PSD3: variants seen among roughly 807,000 people sequenced by gnomAD.
PSD3 encodes the protein pleckstrin and Sec7 domain containing 3.
A neutral mutation model predicts 105.5 loss-of-function variants in PSD3; 49 were observed. That is an observed-to-expected ratio of 0.46 (90% CI 0.37 to 0.59). The LOEUF is 0.59. PSD3 is among the 20% of genes least tolerant of loss of function. The probability of loss-of-function intolerance (pLI) is 0.00; values close to 1 mark genes in which losing one functional copy is unlikely to be tolerated. For synonymous variants in PSD3, 557 were observed against 457.8 expected (o/e 1.22, Z -2.77); for missense variants, 1,561 against 1,263.8 (o/e 1.24, Z -3.57).
chr8:18,582,319 C>T lies in PSD3; in HGVS notation c.2482-7034G>A, dbSNP rs1330509123. Among the ~76,000 whole-genome samples the T allele has an allele frequency of 4.6e-5, 7 of 152,138 alleles. No individual in the cohort carries two copies. In the East Asian group the frequency reaches 1.4e-3, roughly 29 times the overall value. On this transcript the variant is annotated intron_variant, in intron 12 of 15. Transcript: ENST00000327040. ...TCCTACTTGCTGAATTGACGTGGCA[C>T]TCTCCAATTCCCTATCTTACCTTTT...
chr8:18,792,062 A>C (rs2129446425), intron 8 of PSD3, among the ~76,000 whole-genome samples: 1 of 152,282 alleles, frequency 6.6e-6, no homozygotes, highest in South Asian at 2.1e-4. Flanking sequence ...AAGTCAAAAA[A>C]CAACAGATGA....
At chr8:18,561,164 C>G (rs76445516) in intron 14 of PSD3, among the ~76,000 whole-genome samples, 2,681 of 152,252 alleles carry the variant, frequency 0.018, 49 homozygotes, top group East Asian at 0.072. Context: ...GTATCTTCTT[C>G]AAGAAGAGGG....
At chr8:18,917,489 CTTGGAAACCAAGACT>C (rs1174048698) in intron 2 of PSD3, among the ~76,000 whole-genome samples, 2 of 152,182 alleles carry the variant, frequency 1.3e-5, no homozygotes, top group Non-Finnish European at 2.9e-5. Context: ...CAGATTAGTT[CTTGGAAACCAAGACT>C]TTAAGCAAAA....
chr8:18,542,717 C>A (rs1031367557), intron 15 of PSD3, among the ~76,000 whole-genome samples: 2 of 152,162 alleles, frequency 1.3e-5, no homozygotes, highest in African/African-American at 4.8e-5. Flanking sequence ...GACAATGCCT[C>A]TAACTAATAA....
chr8:18,656,208 C>A (rs996728006), intron 9 of PSD3, among the ~76,000 whole-genome samples: 181 of 152,214 alleles, frequency 1.2e-3, no homozygotes, highest in African/African-American at 4.2e-3. Context: ...CAGGCGTGTG[C>A]CACCACACCT....
intron 1 of PSD3, among the ~76,000 whole-genome samples, chr8:18,988,650 T>C (rs1825633103): frequency 1.3e-5 from 2 of 152,148 alleles, no homozygotes; most frequent in Admixed American, 1.3e-4. Flanking sequence ...ATCACACTAC[T>C]TAAGCCATTG....
chr8:18,923,436 G>C (rs993599986), intron 2 of PSD3, among the ~76,000 whole-genome samples: 2 of 152,294 alleles, frequency 1.3e-5, no homozygotes, highest in Admixed American at 1.3e-4. Flanking sequence ...TCAGAGGGAA[G>C]ACCAAATATA....
intron 4 of PSD3, among the ~76,000 whole-genome samples, chr8:18,842,625 C>T (rs901496792): frequency 1.3e-5 from 2 of 151,828 alleles, no homozygotes; most frequent in Non-Finnish European, 2.9e-5. Flanking sequence ...CCCAGCTACT[C>T]GGGAGGCTGA....
chr8:18,893,924 C>A (rs780610760), intron 2 of PSD3, among the ~76,000 whole-genome samples: 8 of 152,228 alleles, frequency 5.3e-5, no homozygotes, highest in Non-Finnish European at 1.0e-4. Context: ...ATTAGTTTTT[C>A]ACCCGCTGTT....
At chr8:18,790,305 C>CTTTT (rs772350691) in intron 8 of PSD3, among the ~76,000 whole-genome samples, 1 of 133,398 alleles carries the variant, frequency 7.5e-6, no homozygotes, top group Admixed American at 7.5e-5. Context: ...TTTTTCTTTT[C>CTTTT]TTTTTTTTTT....
rs1799596782 is a variant in PSD3, at chr8:18,530,664, T to A, written c.*5079A>T. On this transcript the variant is annotated 3_prime_UTR_variant, in exon 16 of 16. Transcript: ENST00000327040. Reference sequence around the variant, plus strand: ...CTTTAAGTGCTCTTAATACTAAAGTTACTAAGACTGCACAGGCTGCCTTTT... The same window carrying A: ...CTTTAAGTGCTCTTAATACTAAAGTAACTAAGACTGCACAGGCTGCCTTTT... 1.3e-5 allele frequency: 2 copies of A among 151,886 alleles called. No homozygotes were observed. The highest frequency in any genetic ancestry group is 4.8e-5 in the African/African-American group (2 of 41,366). The allele number at this position is 151,886 out of a possible 1,614,324, so 9.4% of individuals were successfully genotyped here. A position where few individuals can be genotyped will look rare whatever the true frequency, so the allele number is the denominator to read the frequency against.
At chr8:18,693,599 A>ATATGAT in intron 9 of PSD3, among the ~76,000 whole-genome samples, 1 of 152,270 alleles carries the variant, frequency 6.6e-6, no homozygotes, top group South Asian at 2.1e-4. Flanking sequence ...AAGCCCGGCC[A>ATATGAT]TATGATGCTC....
At chr8:19,009,727 T>C (rs2129475233) in intron 1 of PSD3, among the ~76,000 whole-genome samples, 1 of 152,166 alleles carries the variant, frequency 6.6e-6, no homozygotes, top group Non-Finnish European at 1.5e-5. Context: ...CCGTCTATAC[T>C]AAAAATACAA....
intron 8 of PSD3, among the ~76,000 whole-genome samples, chr8:18,796,684 A>C (rs951752480): frequency 1.3e-5 from 2 of 152,216 alleles, no homozygotes; most frequent in Non-Finnish European, 2.9e-5. Flanking sequence ...AGACCTCCTC[A>C]TAGGGGAGTC....
At chr8:18,639,263 T>A (rs1240946968) in intron 10 of PSD3, among the ~76,000 whole-genome samples, 1 of 128,474 alleles carries the variant, frequency 7.8e-6, no homozygotes, top group African/African-American at 3.3e-5. Context: ...TAAATGTGGC[T>A]TTTTTTTTTA....
At chr8:18,956,233 A>G (rs2129470663) in intron 1 of PSD3, among the ~76,000 whole-genome samples, 1 of 152,332 alleles carries the variant, frequency 6.6e-6, no homozygotes, top group Admixed American at 6.5e-5. Context: ...ATTGTATCAC[A>G]TGAAGGAAGG....
intron 11 of PSD3, among the ~76,000 whole-genome samples, chr8:18,621,131 G>A (rs79155100): frequency 0.052 from 7,908 of 152,222 alleles, 208 homozygotes; most frequent in African/African-American, 0.078. Flanking sequence ...CTTCCAGCCA[G>A]GCACGGTGGC....
At chr8:18,729,879 G>A (rs1340657233) in intron 9 of PSD3, among the ~76,000 whole-genome samples, 3 of 151,982 alleles carry the variant, frequency 2.0e-5, no homozygotes, top group Non-Finnish European at 2.9e-5. Flanking sequence ...TCTTACCAAC[G>A]TTGCTACAAT....
intron 2 of PSD3, among the ~76,000 whole-genome samples, chr8:18,929,994 AAAATT>A (rs1333543765): frequency 6.6e-6 from 1 of 152,212 alleles, no homozygotes; most frequent in African/African-American, 2.4e-5. Flanking sequence ...ATAGGAAAGA[AAAATT>A]AAAAGACATA....
Sources: gnomAD v4.1 joint callset for allele counts (sites outside exome capture counted in the v4.1 genomes callset) on GRCh38, gnomAD v4.1.1 for gene constraint, MANE v1.5 for transcripts, NCBI Gene and HGNC (gene_info 2026-07-23, HGNC 2026-07-21) for gene names.